The following MYBL1 variants were observed in gnomAD, a reference collection of about 807,000 sequenced individuals.
MYBL1 encodes myb-related protein A.
MYBL1 carries 17 observed loss-of-function variants against 96.3 expected under a neutral mutation model. The ratio of observed to expected loss-of-function variants is 0.18; its 90% CI spans 0.12 to 0.26. The LOEUF (loss-of-function observed/expected upper bound fraction) is 0.26, where lower values mean the gene tolerates loss of function less well. Among genes scored for constraint, MYBL1 ranks in the 10% least tolerant of loss-of-function variants. MYBL1 has a pLI of 1.00. For missense variants in MYBL1, 701 were observed against 882.9 expected (o/e 0.79, Z 2.61); for synonymous variants, 282 against 292.7 (o/e 0.96, Z 0.37).
intron 1 of MYBL1, among the ~76,000 whole-genome samples, chr8:66,604,600 G>A (rs1172887294): frequency 6.6e-6 from 1 of 151,786 alleles, no homozygotes; most frequent in African/African-American, 2.4e-5. Context: ...AACCATAATA[G>A]TACTATAAGA....
intron 8 of MYBL1, among the ~76,000 whole-genome samples, chr8:66,582,898 T>G (rs768941422): frequency 5.3e-5 from 8 of 152,094 alleles, no homozygotes; most frequent in Middle Eastern, 3.2e-3. Context: ...AAAAAATAGT[T>G]GGAGACTTCA....
At chr8:66,577,255 G>A (rs1317877093) in intron 9 of MYBL1, among the ~76,000 whole-genome samples, 1 of 149,670 alleles carries the variant, frequency 6.7e-6, no homozygotes, top group Non-Finnish European at 1.5e-5. Flanking sequence ...AGGAAATAAA[G>A]GGTATTCAAT....
chr8:66,592,102 C>T (rs1056451562), intron 8 of MYBL1, among the ~76,000 whole-genome samples: 5 of 151,472 alleles, frequency 3.3e-5, no homozygotes, highest in African/African-American at 1.2e-4. Flanking sequence ...CCCATCTCTA[C>T]AAAAATAAAA....
In MYBL1 at chr8:66,576,356, T is replaced by C. The variant is rs1176301422; in HGVS notation, c.1121A>G (p.Asp374Gly). Reference sequence around the variant, plus strand: ...ATCAGAAATATCAAAACTGGTAACGTCACTCCATGCTACAGGATCCTGCAA... The same window carrying C: ...ATCAGAAATATCAAAACTGGTAACGCCACTCCATGCTACAGGATCCTGCAA... ...LIESDPVAWS[D>G]VTSFDISDAA... Residue 374 changes from aspartate (D) to glycine (G), a missense_variant, in exon 10 of 16, where the codon GAC becomes GGC. Physicochemically the swap from Asp to Gly is moderately conservative, Grantham distance 94. Coordinates refer to ENST00000522677, the MANE Select transcript of MYBL1 (RefSeq NM_001080416.4). The C allele has an allele frequency of 1.9e-6, 3 of 1,612,856 alleles. No homozygotes were observed. Among genetic ancestry groups the C allele is most frequent in the South Asian group, 1.1e-5 (1 of 90,928 alleles).
In MYBL1 at chr8:66,572,502, AT is replaced by A. The variant is rs1808776484; in HGVS notation, c.1707del (p.Lys569AsnfsTer23). ...CATACCACAATTTTAAGAGGTCCAT[AT>A]TTTTTCTCCTGAGCAGCAAGCGCAT... is the stretch of plus-strand genomic sequence containing the variant. ...FKNALAAQEK[K>X]YGPLKIVSQP... On this transcript the variant is annotated frameshift_variant, in exon 12 of 16. Coordinates refer to ENST00000522677, the MANE Select transcript of MYBL1 (RefSeq NM_001080416.4). LOFTEE classifies it high-confidence loss of function. The A allele has an allele frequency of 6.3e-7, 1 of 1,588,658 alleles. No individual in the cohort carries two copies. The highest frequency in any genetic ancestry group is 8.6e-7 in the Non-Finnish European group (1 of 1,161,878).
chr8:66,579,714 A>G (rs1202040881), intron 9 of MYBL1, among the ~76,000 whole-genome samples: 2 of 151,998 alleles, frequency 1.3e-5, no homozygotes, highest in Non-Finnish European at 2.9e-5. Flanking sequence ...GACAGGGTGG[A>G]AAACAAAAAA....
intron 1 of MYBL1, among the ~76,000 whole-genome samples, chr8:66,605,297 G>A (rs774442229): frequency 3.9e-5 from 6 of 152,072 alleles, no homozygotes; most frequent in Non-Finnish European, 5.9e-5. Flanking sequence ...ACAGGGCAGA[G>A]CAAATCTAGA....
rs1216885309 is a variant in MYBL1, at chr8:66,580,206, A to C, written c.1028T>G (p.Val343Gly). 8.1e-6 allele frequency: 13 copies of C among 1,613,890 alleles called. No homozygotes were observed. The highest frequency in any genetic ancestry group is 1.1e-5 in the Non-Finnish European group (13 of 1,179,882). ...QQNSPTKFLA[V>G]EANAVLSSLQ... ...AGAGGATAACACAGCGTTTGCCTCC[A>C]CGGCCAGGAACTTTGTGGGTGAATT... The change falls in exon 9 of 16, where the codon GTG becomes GGG. Residue 343 changes from valine (V) to glycine (G), a missense_variant. Coordinates refer to ENST00000522677, the MANE Select transcript of MYBL1 (RefSeq NM_001080416.4).
chr8:66,571,121 TG>T (rs1808711637), intron 12 of MYBL1, among the ~76,000 whole-genome samples: 1 of 152,194 alleles, frequency 6.6e-6, no homozygotes, highest in Non-Finnish European at 1.5e-5. Context: ...TAAAAAACCC[TG>T]GAAGTTACCA....
chr8:66,590,116 T>C (rs921385639), intron 8 of MYBL1, among the ~76,000 whole-genome samples: 48 of 152,134 alleles, frequency 3.2e-4, no homozygotes, highest in African/African-American at 1.1e-3. Context: ...GCTTTTCTTA[T>C]GGTATATATC....
At chr8:66,586,354 G>A (rs1809422163) in intron 8 of MYBL1, among the ~76,000 whole-genome samples, 2 of 152,010 alleles carry the variant, frequency 1.3e-5, no homozygotes, top group South Asian at 2.1e-4. Context: ...CCAATAATCT[G>A]ACTTAAAATA....
chr8:66,593,658 T>G (rs1161141432), intron 6 of MYBL1, among the ~76,000 whole-genome samples: 3 of 152,336 alleles, frequency 2.0e-5, no homozygotes, highest in South Asian at 2.1e-4. Flanking sequence ...TGCCAAAGTC[T>G]TCTTCTATTA....
chr8:66,566,745 T>C lies in MYBL1; in HGVS notation c.1889A>G (p.Asp630Gly). Residue 630 changes from aspartate (D) to glycine (G), a missense_variant, in exon 14 of 16, where the codon GAT becomes GGT. By Grantham distance (94) the Asp-to-Gly change is moderately conservative. Transcript: ENST00000522677. ...GCCTGATTCTTCTTTTTCCCAATTA[T>C]CTAAGACTAGTGATTTTCTGACTTT... ...GKKVRKSLVL[D>G]NWEKEESGTQ... 1 of 1,610,700 alleles carries C rather than the reference T, an allele frequency of 6.2e-7. No individual in the cohort carries two copies. The highest frequency in any genetic ancestry group is 8.5e-7 in the Non-Finnish European group (1 of 1,177,866).
chr8:66,591,050 A>C (rs1243752180), intron 8 of MYBL1, among the ~76,000 whole-genome samples: 1 of 152,196 alleles, frequency 6.6e-6, no homozygotes, highest in Admixed American at 6.5e-5. Context: ...TTATTTCCCA[A>C]TTTAAAAATT....
At chr8:66,607,129 CAAA>C (rs1226149503) in intron 1 of MYBL1, among the ~76,000 whole-genome samples, 84 of 125,020 alleles carry the variant, frequency 6.7e-4, no homozygotes, top group African/African-American at 1.7e-3. Flanking sequence ...GTTAAAACAA[CAAA>C]AAAAAAAAAA....
chr8:66,589,593 G>A (rs144272332), intron 8 of MYBL1, among the ~76,000 whole-genome samples: 36 of 152,076 alleles, frequency 2.4e-4, no homozygotes, highest in African/African-American at 8.7e-4. Context: ...TGATCCTTCT[G>A]CCTCAGCCTC....
chr8:66,594,324 C>A (rs533520778), intron 6 of MYBL1, among the ~76,000 whole-genome samples: 2 of 152,040 alleles, frequency 1.3e-5, no homozygotes, highest in Admixed American at 6.5e-5. Context: ...GAATTAGAAA[C>A]GTATCTTTCC....
intron 1 of MYBL1, among the ~76,000 whole-genome samples, chr8:66,607,894 G>A (rs569492843): frequency 6.6e-6 from 1 of 151,960 alleles, no homozygotes; most frequent in Admixed American, 6.6e-5. Context: ...CTTTTCACAG[G>A]GTCTCTTTCT....
At position 66,573,400 on chromosome 8, in the gene MYBL1, T is replaced by A; in HGVS notation, c.1577A>T (p.Lys526Met). The change falls in exon 11 of 16, where the codon AAG becomes ATG. Residue 526 changes from lysine (K) to methionine (M), a missense_variant. By Grantham distance (95) the Lys-to-Met change is moderately conservative. Transcript: ENST00000522677. ...CTTTTGATCTTTGGGAGTTGTTTCC[T>A]TATGAAGAGGAGTTGTAATGAGAGC... is the stretch of plus-strand genomic sequence containing the variant. ...QKALITTPLH[K>M]ETTPKDQKEN... 6.2e-7 allele frequency: 1 copy of A among 1,611,702 alleles called. No individual in the cohort carries two copies. Among genetic ancestry groups the A allele is most frequent in the Non-Finnish European group, 8.5e-7 (1 of 1,179,168 alleles).
Sources: allele counts gnomAD v4.1 joint callset (sites outside exome capture counted in the v4.1 genomes callset), GRCh38; gene constraint gnomAD v4.1.1; transcripts MANE v1.5; gene names NCBI Gene and HGNC (gene_info 2026-07-23, HGNC 2026-07-21).